ADGRG1: variants seen among roughly 807,000 people sequenced by gnomAD.
ADGRG1 encodes the protein adhesion G protein-coupled receptor G1.
A neutral mutation model predicts 73.5 loss-of-function variants in ADGRG1; 53 were observed. The observed-to-expected ratio is 0.72, with a 90% confidence interval of 0.58 to 0.91. The LOEUF (loss-of-function observed/expected upper bound fraction) is 0.91, where lower values mean the gene tolerates loss of function less well. ADGRG1 is among the 40% of genes least tolerant of loss of function. ADGRG1 has a pLI of 0.00. For synonymous variants in ADGRG1, 394 were observed against 374.4 expected (o/e 1.05, Z -0.60); for missense variants, 795 against 871.8 (o/e 0.91, Z 1.11).
intron 13 of ADGRG1, chr16:57,663,135 C>G: frequency 1.1e-6 from 1 of 947,502 alleles, no homozygotes; most frequent in Non-Finnish European, 1.3e-6. Flanking sequence ...AGAGCCTGTT[C>G]ACCACAGTTT....
At chr16:57,633,997 G>C (rs2038697124) in intron 1 of ADGRG1, 1 of 794,068 alleles carries the variant, frequency 1.3e-6, no homozygotes, top group African/African-American at 1.9e-5. Context: ...CCCTGGGCTG[G>C]GGAGCTGAGC....
intron 1 of ADGRG1, chr16:57,632,957 G>A (rs2038388886): frequency 5.1e-6 from 5 of 985,314 alleles, no homozygotes; most frequent in Non-Finnish European, 6.0e-6. Flanking sequence ...TGCAAAACAA[G>A]GAACAGTGAG....
chr16:57,641,127 C>T, intron 1 of ADGRG1: 1 of 875,976 alleles, frequency 1.1e-6, no homozygotes, highest in Non-Finnish European at 1.4e-6. Flanking sequence ...GCCCTGGCTG[C>T]AGAGAAGGCA....
chr16:57,629,742 C>G (rs1426227572), intron 1 of ADGRG1, among the ~76,000 whole-genome samples: 2 of 152,166 alleles, frequency 1.3e-5, no homozygotes, highest in African/African-American at 4.8e-5. Context: ...CCGTTGCCAC[C>G]AGACCTCAGG....
At chr16:57,633,425 C>T in intron 1 of ADGRG1, 2 of 985,406 alleles carry the variant, frequency 2.0e-6, no homozygotes, top group Non-Finnish European at 2.4e-6. Context: ...TGAACCGAGA[C>T]AGCCACACGT....
intron 1 of ADGRG1, chr16:57,641,044 T>TC: frequency 1.0e-6 from 1 of 985,384 alleles, no homozygotes; most frequent in Non-Finnish European, 1.2e-6. Flanking sequence ...ATCCTCTTTG[T>TC]CCCTTGCTAC....
upstream of ADGRG1, among the ~76,000 whole-genome samples, chr16:57,626,309 T>C (rs1336196786): frequency 1.3e-5 from 2 of 152,208 alleles, no homozygotes; most frequent in African/African-American, 2.4e-5. Context: ...CCTCCAGACA[T>C]AGCAGGTGAT....
chr16:57,649,310 CTG>C (rs1167546131), intron 1 of ADGRG1, among the ~76,000 whole-genome samples: 1 of 152,184 alleles, frequency 6.6e-6, no homozygotes, highest in East Asian at 1.9e-4. Context: ...CCAGCAACCT[CTG>C]TACAGCCAGG....
At chr16:57,647,476 T>C in intron 1 of ADGRG1, 4 of 975,720 alleles carry the variant, frequency 4.1e-6, no homozygotes, top group Non-Finnish European at 4.9e-6. Context: ...TGATGGCACC[T>C]GCCTCTAAGC....
intron 12 of ADGRG1, 63 bp from the exon 13 acceptor site, chr16:57,661,632 AAC>A: frequency 6.4e-7 from 1 of 1,563,764 alleles, no homozygotes; most frequent in Non-Finnish European, 8.7e-7. Flanking sequence ...CAAACATGAC[AAC>A]CACAGCCCAG....
chr16:57,660,121 C>A (rs7200166), intron 11 of ADGRG1: 77,145 of 301,002 alleles, frequency 0.26, 10,178 homozygotes, highest in Admixed American at 0.35. Flanking sequence ...TGGCCAATGA[C>A]TGTTCAATTC....
At chr16:57,650,419 C>T in intron 2 of ADGRG1, 68 bp downstream of exon 2, 1 of 1,610,952 alleles carries the variant, frequency 6.2e-7, no homozygotes, top group Non-Finnish European at 8.5e-7. Flanking sequence ...CCTAGGGTGG[C>T]TGCCAGCACA....
At chr16:57,624,656 C>G (rs376258962), upstream of ADGRG1, 1 of 884,548 alleles carries the variant, frequency 1.1e-6, no homozygotes, top group Non-Finnish European at 1.4e-6. Context: ...CTGAAGACCT[C>G]CTCCTAGCCC....
chr16:57,649,608 G>A (rs1392007533), intron 1 of ADGRG1, among the ~76,000 whole-genome samples: 5 of 152,068 alleles, frequency 3.3e-5, no homozygotes, highest in Admixed American at 2.6e-4. Flanking sequence ...AGGTGGTGAC[G>A]GTTCCAGGTA....
At chr16:57,656,666 T>G in intron 9 of ADGRG1, 49 bp downstream of exon 9, 1 of 1,114,862 alleles carries the variant, frequency 9.0e-7, no homozygotes, top group Non-Finnish European at 1.4e-6. Context: ...GCCGTGTGCT[T>G]GTTCTGTGCA....
rs560954695 is a variant in ADGRG1, at chr16:57,651,547, A to C, written c.412A>C (p.Thr138Pro). 67 of 1,614,148 alleles carry C rather than the reference A, an allele frequency of 4.2e-5. 1 individual carries two copies. The South Asian group carries it at 7.1e-4, about 17-fold the overall frequency. Reference protein sequence around the residue: ...SLAQGPPLLATSVTSWWSPQN... With the variant: ...SLAQGPPLLAPSVTSWWSPQN... ...GGCTCAGGGCCCCCCGCTGTTAGCC[A>C]CTTCTGTCACCTCCTGGTGGAGCCC... The change falls in exon 3 of 14, where the codon ACT becomes CCT. Residue 138 changes from threonine to proline, a missense_variant. Thr to Pro is a conservative substitution (Grantham distance 38). Coordinates refer to ENST00000562631, the MANE Select transcript of ADGRG1 (RefSeq NM_201525.4).
rs1597550223 is a variant in ADGRG1 at position 57,655,389 on chromosome 16, A to G, written c.769-10A>G. 6 of 1,612,452 alleles carry G rather than the reference A, an allele frequency of 3.7e-6. No individual in the cohort carries two copies. The East Asian group carries it at 1.3e-4, about 36-fold the overall frequency. Reference sequence around the variant, plus strand: ...CCGCATTTGGCTGAGCCCTAAAGGGACCTCTGCAGGAGGAGCAGAGCGAGA... The same window carrying G: ...CCGCATTTGGCTGAGCCCTAAAGGGGCCTCTGCAGGAGGAGCAGAGCGAGA... On this transcript the variant is annotated splice_polypyrimidine_tract_variant and intron_variant, in intron 5 of 13. Transcript: ENST00000562631.
chr16:57,660,049 C>T (rs2046705166), intron 11 of ADGRG1, among the ~76,000 whole-genome samples: 1 of 152,170 alleles, frequency 6.6e-6, no homozygotes, highest in Admixed American at 6.5e-5. Context: ...TGGCAGTGGC[C>T]CTGCCTCAGG....
chr16:57,654,189 GGTGGGGGCTGTGAGCA>G lies in ADGRG1; in HGVS notation c.768+57_768+72del. 1.9e-6 allele frequency: 3 copies of G among 1,561,736 alleles called. No homozygotes were observed. The East Asian group carries it at 6.8e-5, about 35-fold the overall frequency. ...GCGGGTTGGGCCGGGGCCAGATGGAGGTGGGGGCTGTGAGCACTCCCTGAAGCTCAGTGCCGTCGCA... is the reference window on the plus strand; with the variant it reads ...GCGGGTTGGGCCGGGGCCAGATGGAGCTCCCTGAAGCTCAGTGCCGTCGCA... On this transcript the variant is annotated intron_variant, in intron 5 of 13. Transcript: ENST00000562631.
Sources: gnomAD v4.1 joint callset for allele counts (sites outside exome capture counted in the v4.1 genomes callset) on GRCh38, gnomAD v4.1.1 for gene constraint, MANE v1.5 for transcripts, NCBI Gene and HGNC (gene_info 2026-07-23, HGNC 2026-07-21) for gene names.